DTD2: variants seen among roughly 807,000 people sequenced by gnomAD.
DTD2 encodes D-tyrosyl-tRNA deacylase 2 (putative).
A neutral mutation model predicts 15.5 loss-of-function variants in DTD2; 12 were observed. The observed-to-expected ratio is 0.77, with a 90% CI of 0.50 to 1.25. The LOEUF (loss-of-function observed/expected upper bound fraction) is 1.25. Ranked by LOEUF, DTD2 falls within the 50% of genes most tolerant of loss-of-function variation. The pLI, the probability that DTD2 is intolerant of heterozygous loss-of-function variation, is 0.00. For missense variants in DTD2, 170 were observed against 201.1 expected, an observed-to-expected ratio of 0.85 and a Z score of 0.93; for synonymous variants, 59 against 77.3, an observed-to-expected ratio of 0.76 and a Z score of 1.24.
rs1362405483 is a variant in DTD2, at chr14:31,457,206, G to T, written c.111+77C>A. On this transcript the variant is annotated intron_variant, in intron 1 of 2. Coordinates refer to ENST00000310850, the MANE Select transcript of DTD2 (RefSeq NM_080664.3). Reference sequence around the variant, plus strand: ...CCGGTCTCAGAGGGAGACACAGAGCGGACGAGTCACCGAGACAACGCGGAA... The same window carrying T: ...CCGGTCTCAGAGGGAGACACAGAGCTGACGAGTCACCGAGACAACGCGGAA... 5 of 1,326,746 alleles carry T rather than the reference G, an allele frequency of 3.8e-6. No homozygotes were observed. The Admixed American group carries it at 1.0e-4, about 27-fold the overall frequency. 82.2% of individuals were successfully genotyped at this position (1,326,746 alleles called of 1,614,324 possible). A position where few individuals can be genotyped will look rare whatever the true frequency, so the allele number is the denominator to read the frequency against.
At chr14:31,455,990 A>G (rs2032091229) in intron 1 of DTD2, among the ~76,000 whole-genome samples, 1 of 152,260 alleles carries the variant, frequency 6.6e-6, no homozygotes, top group Non-Finnish European at 1.5e-5. Context: ...GGGAAAGGAG[A>G]GAGATAAGAA....
intron 2 of DTD2, among the ~76,000 whole-genome samples, chr14:31,451,873 G>T (rs1362380739): frequency 2.0e-5 from 3 of 152,106 alleles, no homozygotes; most frequent in African/African-American, 7.2e-5. Context: ...ATGTATGTTT[G>T]TTTGTGGATA....
chr14:31,446,959 A>G lies in DTD2; in HGVS notation c.*1170T>C, dbSNP rs913664747. 6.6e-6 allele frequency: 1 copy of G among 152,214 alleles called. No homozygotes were observed. Among genetic ancestry groups the G allele is most frequent in the Admixed American group, 6.5e-5 (1 of 15,282 alleles). The allele number at this position is 152,214 out of a possible 1,614,324, so 9.4% of individuals were successfully genotyped here. On this transcript the variant is annotated 3_prime_UTR_variant, in exon 3 of 3. Coordinates refer to ENST00000310850, the MANE Select transcript of DTD2 (RefSeq NM_080664.3). ...AAAGCGAAGACAAAAAGTGAGACAC[A>G]TGATTTTGGTAAAAACTGAAAAATA...
chr14:31,451,200 T>A (rs1292223159), intron 2 of DTD2, among the ~76,000 whole-genome samples: 1 of 148,010 alleles, frequency 6.8e-6, no homozygotes, highest in Admixed American at 6.9e-5. Flanking sequence ...CAGGCTGGAG[T>A]GCAGTGGCGT....
rs570456324 is a variant in DTD2, at chr14:31,452,097, C to T, written c.181+1178G>A. On this transcript the variant is annotated intron_variant, in intron 2 of 2. Transcript: ENST00000310850. ...TAACATTGACTCTGTTTTCCATGTCCTTGGAGGAGGTGTGGCTGTGATGAC... is the reference window on the plus strand; with the variant it reads ...TAACATTGACTCTGTTTTCCATGTCTTTGGAGGAGGTGTGGCTGTGATGAC... 4 of 152,280 alleles carry T rather than the reference C, an allele frequency of 2.6e-5. No individual in the cohort carries two copies. In the South Asian group the frequency reaches 6.2e-4, roughly 24 times the overall value. The allele number at this position is 152,280 out of a possible 1,614,324, so 9.4% of individuals were successfully genotyped here.
chr14:31,448,198 G>GTTC lies in DTD2; in HGVS notation c.437_438insGAA (p.Gly146_Thr147insAsn), dbSNP rs749485426. On this transcript the variant is annotated inframe_insertion, in exon 3 of 3. Transcript: ENST00000310850. ...TTAACACCTGCCTGTTCCCATAAGT[G>GTTC]CCATGTTCCACTACAACCCTAGCTT... The GTTC allele has an allele frequency of 5.6e-6, 9 of 1,614,014 alleles. No individual in the cohort carries two copies. The highest frequency in any genetic ancestry group is 7.6e-6 in the Non-Finnish European group (9 of 1,180,032).
chr14:31,457,490 A>C lies in DTD2; in HGVS notation c.-97T>G. The C allele has an allele frequency of 1.1e-6, 1 of 936,962 alleles. No homozygotes were observed. Among genetic ancestry groups the C allele is most frequent in the Non-Finnish European group, 1.5e-6 (1 of 656,630 alleles). The allele number at this position is 936,962 out of a possible 1,614,324, so 58.0% of individuals were successfully genotyped here. A position where few individuals can be genotyped will look rare whatever the true frequency, so the allele number is the denominator to read the frequency against. Reference sequence around the variant, plus strand: ...GGGGCAGACGAGGCGGGGCACGACGAAGGGCCTGCGCCGATTGCCCAGTGG... The same window carrying C: ...GGGGCAGACGAGGCGGGGCACGACGCAGGGCCTGCGCCGATTGCCCAGTGG... On this transcript the variant is annotated 5_prime_UTR_variant, in exon 1 of 3. Transcript: ENST00000310850.
At chr14:31,457,114 A>T in intron 1 of DTD2, 169 bp downstream of exon 1, 1 of 616,898 alleles carries the variant, frequency 1.6e-6, no homozygotes, top group Non-Finnish European at 2.8e-6. Flanking sequence ...GACCGAAAAG[A>T]CAAGCGCAGC....
At chr14:31,454,501 C>T (rs547034598) in intron 1 of DTD2, among the ~76,000 whole-genome samples, 2 of 152,264 alleles carry the variant, frequency 1.3e-5, no homozygotes, top group African/African-American at 4.8e-5. Context: ...CAATGCATAC[C>T]CACGAGAAGC....
Position 31,457,003 on chromosome 14 carries a change from A to G in DTD2, c.111+280T>C. 8.2e-6 allele frequency: 4 copies of G among 485,178 alleles called. No individual in the cohort carries two copies. The East Asian group carries it at 1.6e-4, about 19-fold the overall frequency. 30.1% of individuals were successfully genotyped at this position (485,178 alleles called of 1,614,324 possible). A position where few individuals can be genotyped will look rare whatever the true frequency, so the allele number is the denominator to read the frequency against. On this transcript the variant is annotated intron_variant, in intron 1 of 2. Coordinates refer to ENST00000310850, the MANE Select transcript of DTD2 (RefSeq NM_080664.3). Reference sequence around the variant, plus strand: ...AGGGGTCTGAGACAGTAAGGCCTGAAGTTCACCGAACTCAGTTTCAAATAC... The same window carrying G: ...AGGGGTCTGAGACAGTAAGGCCTGAGGTTCACCGAACTCAGTTTCAAATAC...
rs765568632 is a variant in DTD2, at chr14:31,448,432, T to C, written c.204A>G (p.Lys68=). 4 of 1,613,014 alleles carry C rather than the reference T, an allele frequency of 2.5e-6. 1 individual carries two copies. In the South Asian group the frequency reaches 4.4e-5, roughly 18 times the overall value. The part of the protein sequence containing the change: ...PKMVNTLLNV[K]LSETENGKHV... ...GCTTGCCATTTTCTGTCTCACTTAATTTCACATTTAACAGTGTATTAACTG... is the reference window on the plus strand; with the variant it reads ...GCTTGCCATTTTCTGTCTCACTTAACTTCACATTTAACAGTGTATTAACTG... The change falls in exon 3 of 3, where the codon AAA becomes AAG. Residue 68 remains lysine, a synonymous_variant. Transcript: ENST00000310850.
chr14:31,455,157 TAAGGAG>T (rs1327966438), intron 1 of DTD2, among the ~76,000 whole-genome samples: 1 of 152,116 alleles, frequency 6.6e-6, no homozygotes, highest in Non-Finnish European at 1.5e-5. Context: ...TGATTTTGCA[TAAGGAG>T]ATGTAGCCTG....
Position 31,450,397 on chromosome 14 carries a change from TC to T in DTD2, c.182-1944del. Among the ~76,000 whole-genome samples the T allele has an allele frequency of 2.0e-5, 3 of 152,378 alleles. No homozygotes were observed. In the South Asian group the frequency reaches 6.2e-4, roughly 32 times the overall value. On this transcript the variant is annotated intron_variant, in intron 2 of 2. Transcript: ENST00000310850. ...AGGAGATGTTAAGCTTTGACAGGTT[TC>T]TTGCCCTCTCTGTCCAATTATACTG...
intron 1 of DTD2, among the ~76,000 whole-genome samples, chr14:31,455,220 G>T (rs2032081417): frequency 1.3e-5 from 2 of 152,156 alleles, no homozygotes; most frequent in African/African-American, 4.8e-5. Context: ...CTAAATGACT[G>T]ATAGTTTGCA....
intron 2 of DTD2, among the ~76,000 whole-genome samples, chr14:31,449,585 C>T (rs903129589): frequency 1.3e-5 from 2 of 152,130 alleles, no homozygotes; most frequent in African/African-American, 4.8e-5. Context: ...AGCTAAAAGC[C>T]TAAACTTAGA....
Position 31,448,404 on chromosome 14 carries a change from C to A in DTD2, c.232G>T (p.Val78Phe), listed in dbSNP as rs1301739029. 2.5e-6 allele frequency: 4 copies of A among 1,613,764 alleles called. No individual in the cohort carries two copies. Among genetic ancestry groups the A allele is most frequent in the Middle Eastern group, 1.6e-4 (1 of 6,062 alleles). ...TTGCCAGGTAGATCCAATATAGAGA[C>A]ATGCTTGCCATTTTCTGTCTCACTT... ...KLSETENGKH[V>F]SILDLPGNIL... The change falls in exon 3 of 3, where the codon GTC (valine) becomes TTC (phenylalanine). Residue 78 changes from valine (V) to phenylalanine (F), a missense_variant. Coordinates refer to ENST00000310850, the MANE Select transcript of DTD2 (RefSeq NM_080664.3).
rs772824387 is a variant in DTD2 at position 31,457,336 on chromosome 14, C to G, written c.58G>C (p.Ala20Pro). 1.8e-5 allele frequency: 28 copies of G among 1,595,668 alleles called. No individual in the cohort carries two copies. The highest frequency in any genetic ancestry group is 2.4e-5 in the Non-Finnish European group (28 of 1,172,766). Residue 20 changes from alanine to proline, a missense_variant, in exon 1 of 3, where the codon GCC (alanine) becomes CCC (proline). Transcript: ENST00000310850. Reference protein sequence around the residue: ...ARALLQQCLHARLQIRPADGD... With the variant: ...ARALLQQCLHPRLQIRPADGD... The stretch of plus-strand genomic sequence containing the variant: ...TCGGCTGGGCGAATTTGCAGCCGGG[C>G]GTGCAGGCACTGCTGTAGGAGCGCC...
Position 31,448,244 on chromosome 14 carries a change from G to A in DTD2, c.392C>T (p.Ala131Val). 1 of 1,614,172 alleles carries A rather than the reference G, an allele frequency of 6.2e-7. No individual in the cohort carries two copies. The highest frequency in any genetic ancestry group is 8.5e-7 in the Non-Finnish European group (1 of 1,180,036). The change falls in exon 3 of 3, where the codon GCT (alanine) becomes GTT (valine). Residue 131 changes from alanine (A) to valine (V), a missense_variant. Ala to Val is a moderately conservative substitution (Grantham distance 64). Coordinates refer to ENST00000310850, the MANE Select transcript of DTD2 (RefSeq NM_080664.3). ...QFVTLCEKEV[A>V]ANSKCAEARV... ...AGCTTCAGCACACTTGCTATTAGCA[G>A]CTACTTCTTTTTCACATAGAGTCAC...
intron 2 of DTD2, among the ~76,000 whole-genome samples, chr14:31,451,461 C>CTCT (rs1555374609): frequency 6.6e-6 from 1 of 150,818 alleles, no homozygotes; most frequent in Non-Finnish European, 1.5e-5. Context: ...CTCTCTCTCT[C>CTCT]TTTTTTTTTC....
Sources: allele counts gnomAD v4.1 joint callset (sites outside exome capture counted in the v4.1 genomes callset), GRCh38; gene constraint gnomAD v4.1.1; transcripts MANE v1.5; gene names NCBI Gene and HGNC (gene_info 2026-07-23, HGNC 2026-07-21).